The following NCKAP1L variants were observed in gnomAD, a reference collection of about 807,000 sequenced individuals.
NCKAP1L encodes NCK associated protein 1 like, also known as nck-associated protein 1-like.
NCKAP1L carries 53 observed loss-of-function variants against 139.2 expected under a neutral mutation model. The ratio of observed to expected loss-of-function variants is 0.38; its 90% confidence interval spans 0.31 to 0.48. The LOEUF is 0.48. Ranked by LOEUF, NCKAP1L falls within the 20% of genes least tolerant of loss-of-function variation. NCKAP1L has a pLI of 0.98. For synonymous variants in NCKAP1L, 468 were observed against 499.7 expected (o/e 0.94, Z 0.85); for missense variants, 1,151 against 1,381.9 (o/e 0.83, Z 2.65).
chr12:54,537,785 C>T (rs991634018), intron 29 of NCKAP1L, among the ~76,000 whole-genome samples: 10 of 152,100 alleles, frequency 6.6e-5, no homozygotes, highest in Non-Finnish European at 1.2e-4. Context: ...TCACTAGAAC[C>T]AATGGTCTAG....
At chr12:54,523,112 G>C (rs565306447) in intron 18 of NCKAP1L, among the ~76,000 whole-genome samples, 1 of 152,154 alleles carries the variant, frequency 6.6e-6, no homozygotes, top group African/African-American at 2.4e-5. Context: ...ATTAAGAAAG[G>C]TTCTCTCAGG....
chr12:54,529,116 C>G (rs1274639347), intron 22 of NCKAP1L, among the ~76,000 whole-genome samples: 1 of 152,056 alleles, frequency 6.6e-6, no homozygotes, highest in Admixed American at 6.6e-5. Context: ...ACACTTATTC[C>G]CGTTTTTCAG....
rs1957084127 is a variant in NCKAP1L, at chr12:54,532,881, G to A, written c.2862+631G>A. On this transcript the variant is annotated intron_variant, in intron 26 of 30. Coordinates refer to ENST00000293373, the MANE Select transcript of NCKAP1L (RefSeq NM_005337.5). ...TGGAACTAAGAAGTATGCTATGGCA[G>A]GAAATACAGCTAGAGCCTAGGAATA... Among the ~76,000 whole-genome samples, 2 of 152,184 alleles carry A rather than the reference G, an allele frequency of 1.3e-5. 1 individual carries two copies. Among genetic ancestry groups the A allele is most frequent in the African/African-American group, 4.8e-5 (2 of 41,442 alleles).
rs749482999 is a variant in NCKAP1L, at chr12:54,532,262, T to G, written c.2862+12T>G. 1.7e-5 allele frequency: 27 copies of G among 1,600,854 alleles called. No individual in the cohort carries two copies. The highest frequency in any genetic ancestry group is 2.2e-5 in the East Asian group (1 of 44,686). The stretch of plus-strand genomic sequence containing the variant: ...ACACAGACATCAAGGTATGGAGGAG[T>G]GCAAAGTAGAATCTAATTAGGAGAC... On this transcript the variant is annotated intron_variant, in intron 26 of 30. Coordinates refer to ENST00000293373, the MANE Select transcript of NCKAP1L (RefSeq NM_005337.5).
Position 54,521,149 on chromosome 12 carries a change from C to A in NCKAP1L, c.1789C>A (p.His597Asn), listed in dbSNP as rs1366037464. The change falls in exon 18 of 31, where the codon CAC becomes AAC. Residue 597 changes from histidine (H) to asparagine (N), a missense_variant. By Grantham distance (68) the His-to-Asn change is moderately conservative (BLOSUM62 1). Coordinates refer to ENST00000293373, the MANE Select transcript of NCKAP1L (RefSeq NM_005337.5). ...YPHLKNHGLHHCNSFLEELAK... is the reference protein window; with the variant it reads ...YPHLKNHGLHNCNSFLEELAK... ...CCACCTCAAGAACCATGGTCTTCAC[C>A]ACTGCAACTCCTTCCTGGAAGAGTT... 2 of 1,614,070 alleles carry A rather than the reference C, an allele frequency of 1.2e-6. No individual in the cohort carries two copies.
intron 28 of NCKAP1L, 27 bp downstream of exon 28, chr12:54,536,272 C>A (rs141943917): frequency 2.7e-6 from 4 of 1,458,528 alleles, no homozygotes; most frequent in African/African-American, 1.4e-5. Flanking sequence ...TTTGAGACAC[C>A]AGTGCTATTC....
Position 54,531,752 on chromosome 12 carries a change from A to G in NCKAP1L, c.2708A>G (p.Asn903Ser). 1 of 1,611,410 alleles carries G rather than the reference A, an allele frequency of 6.2e-7. No individual in the cohort carries two copies. The highest frequency in any genetic ancestry group is 8.5e-7 in the Non-Finnish European group (1 of 1,177,684). The change falls in exon 25 of 31, where the codon AAT becomes AGT. Residue 903 changes from asparagine to serine, a missense_variant. Asn to Ser is a conservative substitution (Grantham distance 46). Transcript: ENST00000293373. ...GCTTCTTTCTCCTCAGGGGCTGAAA[A>G]TGTGCTAAAGCGCATGACCATCATT... ...SLLPQLTGAE[N>S]VLKRMTIIGV... is the part of the protein sequence containing the mutation.
intron 11 of NCKAP1L, 65 bp downstream of exon 11, chr12:54,517,057 C>T (rs1325128743): frequency 7.4e-7 from 1 of 1,360,262 alleles, no homozygotes; most frequent in East Asian, 2.4e-5. Flanking sequence ...AGCTACGTGG[C>T]ACTCACGAGA....
chr12:54,520,036 G>A (rs1287057096), intron 16 of NCKAP1L, among the ~76,000 whole-genome samples: 2 of 152,130 alleles, frequency 1.3e-5, no homozygotes, highest in Admixed American at 6.5e-5. Context: ...AGCACTTGAC[G>A]TTTTTAGGTG....
rs80245331 is a variant in NCKAP1L, at chr12:54,520,501, G to A, written c.1626-193G>A. ...GGAAGGATTAAGTTTCTTGGGTTCCGTTCTATCTTAAGGGTTACAGAAATT... is the reference window on the plus strand; with the variant it reads ...GGAAGGATTAAGTTTCTTGGGTTCCATTCTATCTTAAGGGTTACAGAAATT... On this transcript the variant is annotated intron_variant, in intron 16 of 30. Transcript: ENST00000293373. 2.2e-4 allele frequency among the ~76,000 whole-genome samples: 34 copies of A among 152,280 alleles called. No individual in the cohort carries two copies. The South Asian group carries it at 5.8e-3, about 26-fold the overall frequency.
In NCKAP1L at chr12:54,531,295, G is replaced by A; in HGVS notation, c.2542G>A (p.Gly848Ser). Residue 848 changes from glycine to serine, a missense_variant, in exon 23 of 31, where the codon GGC (glycine) becomes AGC (serine). Gly to Ser is a moderately conservative substitution (Grantham distance 56). Transcript: ENST00000293373. Reference protein sequence around the residue: ...RALAELLGPYGMKFLSENLMW... With the variant: ...RALAELLGPYSMKFLSENLMW... ...CTTGGCAGAACTCCTGGGCCCCTATGGCATGAAGTTCCTGAGTGAAAACCT... is the reference window on the plus strand; with the variant it reads ...CTTGGCAGAACTCCTGGGCCCCTATAGCATGAAGTTCCTGAGTGAAAACCT... 6.2e-7 allele frequency: 1 copy of A among 1,614,144 alleles called. No individual in the cohort carries two copies. The highest frequency in any genetic ancestry group is 2.2e-5 in the East Asian group (1 of 44,886).
At chr12:54,531,470 C>T in intron 23 of NCKAP1L, 21 bp from the exon 24 acceptor site, 1 of 1,612,368 alleles carries the variant, frequency 6.2e-7, no homozygotes, top group Non-Finnish European at 8.5e-7. Context: ...TGCTTAATGT[C>T]TCTGTGTTCC....
chr12:54,507,099 T>C (rs1486151184), intron 3 of NCKAP1L, among the ~76,000 whole-genome samples: 1 of 151,480 alleles, frequency 6.6e-6, no homozygotes. Flanking sequence ...AAAACCTGTT[T>C]CTCTCTCTCT....
chr12:54,503,052 C>G (rs1281398087), intron 3 of NCKAP1L, among the ~76,000 whole-genome samples: 1 of 151,364 alleles, frequency 6.6e-6, no homozygotes, highest in Non-Finnish European at 1.5e-5. Flanking sequence ...AATATACAGC[C>G]CATATTCACA....
intron 4 of NCKAP1L, among the ~76,000 whole-genome samples, chr12:54,508,121 A>G (rs1300146427): frequency 6.6e-6 from 1 of 152,226 alleles, no homozygotes; most frequent in South Asian, 2.1e-4. Context: ...ATGTGATTTA[A>G]TTAATTAAAA....
At chr12:54,542,535 C>T (rs760219681) in intron 30 of NCKAP1L, 40 bp from the exon 31 acceptor site, 1 of 1,457,814 alleles carries the variant, frequency 6.9e-7, no homozygotes, top group Admixed American at 1.7e-5. Context: ...AGACAAATGC[C>T]CTACCTGAGG....
chr12:54,505,016 G>T (rs1395232192), intron 3 of NCKAP1L, among the ~76,000 whole-genome samples: 1 of 152,234 alleles, frequency 6.6e-6, no homozygotes, highest in African/African-American at 2.4e-5. Context: ...AAATGAGGAA[G>T]TATAGACCTA....
intron 9 of NCKAP1L, 70 bp downstream of exon 9, chr12:54,512,175 C>A: frequency 6.6e-7 from 1 of 1,514,646 alleles, no homozygotes; most frequent in Non-Finnish European, 9.0e-7. Context: ...CTTTTTCAGT[C>A]TCCACAAGTG....
At chr12:54,540,465 A>G (rs540748108) in intron 30 of NCKAP1L, among the ~76,000 whole-genome samples, 36 of 152,308 alleles carry the variant, frequency 2.4e-4, no homozygotes, top group African/African-American at 7.7e-4. Flanking sequence ...GTGGTGGGCT[A>G]TGTGGGGGCA....
Sources: gnomAD v4.1 joint callset for allele counts (sites outside exome capture counted in the v4.1 genomes callset) on GRCh38, gnomAD v4.1.1 for gene constraint, MANE v1.5 for transcripts, NCBI Gene and HGNC (gene_info 2026-07-23, HGNC 2026-07-21) for gene names.